The following MACROD2 variants were observed in gnomAD, a reference collection of about 807,000 sequenced individuals.
The protein encoded by MACROD2 is ADP-ribose glycohydrolase MACROD2.
A neutral mutation model predicts 70.4 loss-of-function variants in MACROD2; 36 were observed. The observed-to-expected ratio is 0.51, with a 90% confidence interval of 0.39 to 0.68. The LOEUF is 0.68. Ranked by LOEUF, MACROD2 falls within the 30% of genes least tolerant of loss-of-function variation. The pLI is 0.00. For missense variants in MACROD2, 496 were observed against 538.4 expected (o/e 0.92, Z 0.78); for synonymous variants, 172 against 178.8 (o/e 0.96, Z 0.30).
intron 10 of MACROD2, among the ~76,000 whole-genome samples, chr20:15,912,253 C>T (rs1231176204): frequency 1.3e-5 from 2 of 152,212 alleles, no homozygotes; most frequent in Non-Finnish European, 2.9e-5. Context: ...TTGGCAGCCA[C>T]AGGGAATTAT....
intron 5 of MACROD2, among the ~76,000 whole-genome samples, chr20:14,758,882 T>A (rs2071978081): frequency 6.6e-6 from 1 of 152,144 alleles, no homozygotes. Context: ...CTCTTTAGGT[T>A]GGCTTCTATA....
At chr20:14,108,934 A>G (rs1277014595) in intron 3 of MACROD2, among the ~76,000 whole-genome samples, 10 of 152,062 alleles carry the variant, frequency 6.6e-5, no homozygotes, top group Admixed American at 3.9e-4. Context: ...ATATGTACAC[A>G]TCATTTTGTT....
At chr20:14,736,309 G>A (rs560684297) in intron 5 of MACROD2, among the ~76,000 whole-genome samples, 14 of 152,218 alleles carry the variant, frequency 9.2e-5, no homozygotes, top group Middle Eastern at 3.4e-3. Flanking sequence ...GCAAATTAGT[G>A]ATTGCCAGAG....
Position 14,610,596 on chromosome 20 carries a change from T to G in MACROD2, c.302-74247T>G, listed in dbSNP as rs923285690. On this transcript the variant is annotated intron_variant, in intron 4 of 17. Transcript: ENST00000684519. ...ATTCATGAGTAAGTATAGTGTTTGC[T>G]TGTTGCTGATATTGTATTTGGGTTG... Among the ~76,000 whole-genome samples the G allele has an allele frequency of 5.3e-5, 8 of 152,146 alleles. No individual in the cohort carries two copies. The South Asian group carries it at 1.7e-3, about 31-fold the overall frequency.
intron 6 of MACROD2, among the ~76,000 whole-genome samples, chr20:15,322,212 C>CA (rs199846303): frequency 0.051 from 7,323 of 142,522 alleles, 1,130 homozygotes; most frequent in South Asian, 0.12. Context: ...TTTAAACATA[C>CA]AAAAAAAATG....
In MACROD2 at chr20:14,862,056, T is replaced by TATATTTTTATATATATAAATATATAAAA. The variant is rs1568838892; in HGVS notation, c.418+177101_418+177102insTTTTATATATATAAATATATAAAAATAT. ...ATATATATTTATATATATATTTATA[T>TATATTTTTATATATATAAATATATAAAA]ATATATAAATATATATAAATATATA... On this transcript the variant is annotated intron_variant, in intron 5 of 17. Transcript: ENST00000684519. 2.4e-4 allele frequency among the ~76,000 whole-genome samples: 4 copies of TATATTTTTATATATATAAATATATAAAA among 16,718 alleles called. 1 individual carries two copies. Among genetic ancestry groups the TATATTTTTATATATATAAATATATAAAA allele is most frequent in the African/African-American group, 5.9e-4 (3 of 5,058 alleles). The allele number at this position is 16,718 out of a possible 152,430, so 11.0% of individuals were successfully genotyped here.
chr20:14,687,777 A>G (rs2123603082), intron 5 of MACROD2, among the ~76,000 whole-genome samples: 1 of 152,284 alleles, frequency 6.6e-6, no homozygotes, highest in South Asian at 2.1e-4. Context: ...AAAGTCATAA[A>G]CATGGAATAT....
At chr20:14,780,562 C>CAAA (rs763622429) in intron 5 of MACROD2, among the ~76,000 whole-genome samples, 7 of 124,278 alleles carry the variant, frequency 5.6e-5, no homozygotes, top group Admixed American at 8.4e-5. Context: ...AACTCCGTCT[C>CAAA]AAAAAAAAAA....
At chr20:15,970,474 G>A (rs2066213251) in intron 13 of MACROD2, among the ~76,000 whole-genome samples, 2 of 151,754 alleles carry the variant, frequency 1.3e-5, no homozygotes, top group Non-Finnish European at 2.9e-5. Context: ...ACCAATTAGT[G>A]TTGAAACTTT....
chr20:14,023,146 T>C (rs773957040), intron 2 of MACROD2, among the ~76,000 whole-genome samples: 1 of 152,254 alleles, frequency 6.6e-6, no homozygotes, highest in African/African-American at 2.4e-5. Context: ...TGCATTTCTC[T>C]AGTGACCAGT....
At chr20:14,620,809 T>C (rs753521888) in intron 4 of MACROD2, among the ~76,000 whole-genome samples, 1 of 152,180 alleles carries the variant, frequency 6.6e-6, no homozygotes, top group Non-Finnish European at 1.5e-5. Context: ...ACACTGTCTT[T>C]CCTTTCTACT....
At chr20:16,009,931 T>A (rs1601318238) in intron 15 of MACROD2, among the ~76,000 whole-genome samples, 2 of 152,144 alleles carry the variant, frequency 1.3e-5, no homozygotes, top group Non-Finnish European at 2.9e-5. Flanking sequence ...ATTTAGATTC[T>A]GGCAAATCAG....
intron 2 of MACROD2, among the ~76,000 whole-genome samples, chr20:14,037,535 G>T (rs1346746867): frequency 6.6e-6 from 1 of 152,048 alleles, no homozygotes; most frequent in African/African-American, 2.4e-5. Flanking sequence ...CATATTTTTT[G>T]ATTGAAGACT....
chr20:15,628,064 A>G (rs985721566), intron 8 of MACROD2, among the ~76,000 whole-genome samples: 1 of 152,192 alleles, frequency 6.6e-6, no homozygotes, highest in Middle Eastern at 3.2e-3. Flanking sequence ...ATCCTGAGTC[A>G]TTTAACTAGG....
intron 3 of MACROD2, among the ~76,000 whole-genome samples, chr20:14,392,489 G>A (rs918905033): frequency 1.4e-4 from 21 of 152,096 alleles, no homozygotes; most frequent in African/African-American, 5.1e-4. Context: ...GTATGCAGAA[G>A]CTGGACTTTG....
intron 4 of MACROD2, among the ~76,000 whole-genome samples, chr20:14,553,215 A>T (rs541705976): frequency 8.9e-4 from 135 of 151,614 alleles, no homozygotes; most frequent in African/African-American, 3.1e-3. Context: ...AAAAACTAAT[A>T]CAGAAACACT....
intron 6 of MACROD2, among the ~76,000 whole-genome samples, chr20:15,255,263 A>G (rs752557634): frequency 2.6e-5 from 4 of 152,008 alleles, no homozygotes; most frequent in African/African-American, 4.8e-5. Context: ...ATAAAGAGGG[A>G]TATCATTGAC....
At chr20:15,984,026 G>C (rs2066439985) in intron 13 of MACROD2, among the ~76,000 whole-genome samples, 1 of 151,980 alleles carries the variant, frequency 6.6e-6, no homozygotes, top group African/African-American at 2.4e-5. Flanking sequence ...ATATTAGTGT[G>C]TTATTAATGT....
intron 4 of MACROD2, among the ~76,000 whole-genome samples, chr20:14,668,354 G>T (rs1455063516): frequency 6.6e-6 from 1 of 152,056 alleles, no homozygotes; most frequent in African/African-American, 2.4e-5. Flanking sequence ...TTGGAATAAG[G>T]GGTAGAAAAC....
Sources: gnomAD v4.1 joint callset for allele counts (sites outside exome capture counted in the v4.1 genomes callset) on GRCh38, gnomAD v4.1.1 for gene constraint, MANE v1.5 for transcripts, NCBI Gene and HGNC (gene_info 2026-07-23, HGNC 2026-07-21) for gene names.